The following HS3ST2 variants were observed in gnomAD, a reference collection of about 807,000 sequenced individuals.
HS3ST2 encodes the protein heparan sulfate glucosamine 3-O-sulfotransferase 2.
HS3ST2 carries 17 observed loss-of-function variants against 26.3 expected under a neutral mutation model. That is an observed-to-expected ratio of 0.65 (90% CI 0.44 to 0.97). The LOEUF (loss-of-function observed/expected upper bound fraction) is 0.97, where lower values mean the gene tolerates loss of function less well. HS3ST2 is among the 50% of genes least tolerant of loss of function. The pLI is 0.00. For missense variants in HS3ST2, 402 were observed against 501.2 expected (o/e 0.80, Z 1.89); for synonymous variants, 237 against 219.2 (o/e 1.08, Z -0.72).
In HS3ST2 at chr16:22,915,273, T is replaced by A; in HGVS notation, c.815T>A (p.Val272Asp). 1 of 1,614,028 alleles carries A rather than the reference T, an allele frequency of 6.2e-7. No homozygotes were observed. Residue 272 changes from valine to aspartate, a missense_variant, in exon 2 of 2, where the codon GTC becomes GAC. By Grantham distance (152) the Val-to-Asp change is radical. This residue lies in a region of HS3ST2 where 237 missense variants were observed against 346.6 expected (regional missense o/e 0.68). Coordinates refer to ENST00000261374, the MANE Select transcript of HS3ST2 (RefSeq NM_006043.2). ...TTCCCGCTAGCTCAGATTCACTTCG[T>A]CAGTGGCGAGCGACTCATCACTGAC... ...QYFPLAQIHF[V>D]SGERLITDPA...
At chr16:22,901,899 T>G (rs978668706) in intron 1 of HS3ST2, among the ~76,000 whole-genome samples, 5 of 152,150 alleles carry the variant, frequency 3.3e-5, no homozygotes, top group Non-Finnish European at 7.3e-5. Context: ...ATTAGATAGT[T>G]TTTTTTAAAT....
At chr16:22,878,558 CT>C (rs1901948765) in intron 1 of HS3ST2, among the ~76,000 whole-genome samples, 1 of 152,074 alleles carries the variant, frequency 6.6e-6, no homozygotes, top group Non-Finnish European at 1.5e-5. Context: ...AGCATCCTCC[CT>C]GTAAGCCAGG....
At chr16:22,877,536 C>T (rs1901937443) in intron 1 of HS3ST2, among the ~76,000 whole-genome samples, 1 of 152,168 alleles carries the variant, frequency 6.6e-6, no homozygotes, top group Admixed American at 6.5e-5. Context: ...GAGATTCTCA[C>T]TTGGACAGAG....
At chr16:22,836,357 G>A (rs1355459312) in intron 1 of HS3ST2, among the ~76,000 whole-genome samples, 1 of 152,164 alleles carries the variant, frequency 6.6e-6, no homozygotes, top group Non-Finnish European at 1.5e-5. Context: ...TCTGCAGACT[G>A]TACAGGAAGC....
chr16:22,874,908 C>A (rs1901892366), intron 1 of HS3ST2, among the ~76,000 whole-genome samples: 1 of 152,194 alleles, frequency 6.6e-6, no homozygotes, highest in Non-Finnish European at 1.5e-5. Context: ...GGGTCAATCC[C>A]AAATCACATA....
intron 1 of HS3ST2, among the ~76,000 whole-genome samples, chr16:22,914,486 G>A (rs113610917): frequency 6.6e-6 from 1 of 151,902 alleles, no homozygotes; most frequent in African/African-American, 2.4e-5. Context: ...TGGGAGGATT[G>A]CTTGAGCCCA....
chr16:22,879,390 C>A lies in HS3ST2; in HGVS notation c.486-35554C>A, dbSNP rs572861075. ...TCCTGCCTTCGGAACTGTTACTGGG[C>A]TCTCCAGGGGAAGGTAACTGAGCTC... On this transcript the variant is annotated intron_variant, in intron 1 of 1. Transcript: ENST00000261374. 1.9e-4 allele frequency among the ~76,000 whole-genome samples: 29 copies of A among 152,304 alleles called. No homozygotes were observed. The South Asian group carries it at 6.0e-3, about 32-fold the overall frequency.
intron 1 of HS3ST2, among the ~76,000 whole-genome samples, chr16:22,844,629 C>A (rs1901404851): frequency 6.6e-6 from 1 of 152,094 alleles, no homozygotes; most frequent in African/African-American, 2.4e-5. Context: ...CCTGGCTGTT[C>A]TCGTGATGGT....
At chr16:22,914,610 T>G (rs1245367922) in intron 1 of HS3ST2, among the ~76,000 whole-genome samples, 1 of 147,092 alleles carries the variant, frequency 6.8e-6, no homozygotes, top group Non-Finnish European at 1.5e-5. Flanking sequence ...GAGGCTGAGA[T>G]GGGAAGATGG....
intron 1 of HS3ST2, among the ~76,000 whole-genome samples, chr16:22,880,141 GC>G (rs1901967833): frequency 6.6e-6 from 1 of 152,178 alleles, no homozygotes; most frequent in African/African-American, 2.4e-5. Context: ...AAGTGTGGGG[GC>G]CGGGAGTAGC....
At chr16:22,912,143 C>T (rs902873541) in intron 1 of HS3ST2, among the ~76,000 whole-genome samples, 4 of 152,086 alleles carry the variant, frequency 2.6e-5, no homozygotes, top group African/African-American at 9.7e-5. Flanking sequence ...CAAAAAACCC[C>T]AAAACAGAAC....
At chr16:22,914,804 T>A in intron 1 of HS3ST2, 140 bp from the exon 2 acceptor site, 4 of 447,500 alleles carry the variant, frequency 8.9e-6, no homozygotes, top group East Asian at 4.6e-5. Flanking sequence ...AGTGAGTACC[T>A]CACCAGGTGA....
chr16:22,881,878 GTGGCTGAGGCA>G (rs1901994587), intron 1 of HS3ST2, among the ~76,000 whole-genome samples: 1 of 152,248 alleles, frequency 6.6e-6, no homozygotes, highest in African/African-American at 2.4e-5. Context: ...GAATAGGCCA[GTGGCTGAGGCA>G]TGCAGGCTTC....
At chr16:22,821,846 G>T (rs1900999749) in intron 1 of HS3ST2, among the ~76,000 whole-genome samples, 1 of 152,190 alleles carries the variant, frequency 6.6e-6, no homozygotes, top group Non-Finnish European at 1.5e-5. Flanking sequence ...TTATTATTAA[G>T]TATGTTTTTC....
chr16:22,856,891 C>T (rs1273358080), intron 1 of HS3ST2, among the ~76,000 whole-genome samples: 1 of 152,142 alleles, frequency 6.6e-6, no homozygotes, highest in Non-Finnish European at 1.5e-5. Context: ...AAGGCTTTTC[C>T]ACGCTCAGAT....
intron 1 of HS3ST2, among the ~76,000 whole-genome samples, chr16:22,820,423 A>G (rs1900975031): frequency 6.6e-6 from 1 of 152,256 alleles, no homozygotes; most frequent in African/African-American, 2.4e-5. Context: ...TGATAAAGAC[A>G]TACCCAACAC....
intron 1 of HS3ST2, among the ~76,000 whole-genome samples, chr16:22,831,879 T>TGTG (rs1901175638): frequency 6.6e-6 from 1 of 152,158 alleles, no homozygotes; most frequent in Admixed American, 6.5e-5. Flanking sequence ...TGTACCTGAT[T>TGTG]GTGGTGGTGG....
intron 1 of HS3ST2, among the ~76,000 whole-genome samples, chr16:22,889,392 C>G (rs1033207991): frequency 3.3e-5 from 5 of 152,142 alleles, no homozygotes; most frequent in African/African-American, 1.2e-4. Flanking sequence ...TGAAGCCTCA[C>G]AAAAGCCCTG....
At chr16:22,905,850 C>G (rs1306378996) in intron 1 of HS3ST2, among the ~76,000 whole-genome samples, 1 of 152,104 alleles carries the variant, frequency 6.6e-6, no homozygotes. Context: ...CTTCTCTGAT[C>G]GTAAGAATCA....
Sources: gnomAD v4.1 joint callset for allele counts (sites outside exome capture counted in the v4.1 genomes callset) on GRCh38, gnomAD v4.1.1 for gene constraint, gnomAD v4.1.1 regional missense constraint, MANE v1.5 for transcripts, NCBI Gene and HGNC (gene_info 2026-07-23, HGNC 2026-07-21) for gene names.